MIB2: variants seen among roughly 807,000 people sequenced by gnomAD.
MIB2 encodes MIB E3 ubiquitin protein ligase 2, also known as E3 ubiquitin-protein ligase MIB2.
Under a neutral mutation model 96.6 loss-of-function variants are expected in MIB2, and 78 were observed. The observed-to-expected ratio is 0.81, with a 90% CI of 0.67 to 0.97. MIB2 has a LOEUF of 0.97. Ranked by LOEUF, MIB2 falls within the 50% of genes least tolerant of loss-of-function variation. The probability of loss-of-function intolerance (pLI) is 0.00; values close to 1 mark genes in which losing one functional copy is unlikely to be tolerated. For missense variants in MIB2, 1,543 were observed against 1,424.0 expected (o/e 1.08, Z -1.35); for synonymous variants, 820 against 629.5 (o/e 1.30, Z -4.53).
At position 1,629,247 on chromosome 1, in the gene MIB2, C is replaced by T. The variant is rs1463892866; in HGVS notation, c.2317C>T (p.Pro773Ser). 1.3e-6 allele frequency: 2 copies of T among 1,545,116 alleles called. No individual in the cohort carries two copies. The highest frequency in any genetic ancestry group is 3.8e-5 in the Admixed American group (2 of 52,940). Reference sequence around the variant, plus strand: ...CTACACCAACCACCGCGGTCGGAGCCCGCTGGACCTGGCCGCCGAGGGTCG... The same window carrying T: ...CTACACCAACCACCGCGGTCGGAGCTCGCTGGACCTGGCCGCCGAGGGTCG... ...VSYTNHRGRS[P>S]LDLAAEGRVL... Residue 773 changes from proline (P) to serine (S), a missense_variant, in exon 17 of 20, where the codon CCG (proline) becomes TCG (serine). Coordinates refer to ENST00000355826, the MANE Select transcript of MIB2 (RefSeq NM_001170687.4).
chr1:1,630,280 C>A lies in MIB2; in HGVS notation c.2630-12C>A. ...CCGGCCTCCCAGCTCACACCCGTCC[C>A]CCACCCCGCAGACGGCTCTGAGGTG... is the stretch of plus-strand genomic sequence containing the variant. On this transcript the variant is annotated splice_polypyrimidine_tract_variant and intron_variant, in intron 19 of 19. Coordinates refer to ENST00000355826, the MANE Select transcript of MIB2 (RefSeq NM_001170687.4). 1 of 1,453,088 alleles carries A rather than the reference C, an allele frequency of 6.9e-7. No individual in the cohort carries two copies. The highest frequency in any genetic ancestry group is 9.2e-7 in the Non-Finnish European group (1 of 1,092,014). The allele number at this position is 1,453,088 out of a possible 1,614,324, so 90.0% of individuals were successfully genotyped here.
upstream of MIB2, chr1:1,615,297 C>G: frequency 7.4e-7 from 1 of 1,356,708 alleles, no homozygotes; most frequent in Non-Finnish European, 9.5e-7. Flanking sequence ...AAGCCCCCGT[C>G]TCTATGGCAA....
At position 1,629,344 on chromosome 1, in the gene MIB2, C is replaced by T. The variant is rs1263848869; in HGVS notation, c.2381+33C>T. 2.8e-6 allele frequency: 4 copies of T among 1,444,326 alleles called. No individual in the cohort carries two copies. In the South Asian group the frequency reaches 4.4e-5, roughly 16 times the overall value. The allele number at this position is 1,444,326 out of a possible 1,614,324, so 89.5% of individuals were successfully genotyped here. A position where few individuals can be genotyped will look rare whatever the true frequency, so the allele number is the denominator to read the frequency against. On this transcript the variant is annotated intron_variant, in intron 17 of 19. Transcript: ENST00000355826. ...CGTGGACGGCGGGGATGGGGTCCGG[C>T]GGCCTCCGGGCCCCTCTCAAGCCGC...
chr1:1,629,742 C>T (rs757492426), intron 19 of MIB2, 38 bp downstream of exon 19: 13 of 1,535,348 alleles, frequency 8.5e-6, no homozygotes, highest in Middle Eastern at 1.8e-4. Context: ...GCCTCCTGCT[C>T]AGCTGGTGGC....
intron 4 of MIB2, 123 bp from the exon 5 acceptor site, chr1:1,624,672 T>C: frequency 1.1e-6 from 1 of 888,718 alleles, no homozygotes; most frequent in South Asian, 1.4e-5. Context: ...GAGCTGGGGC[T>C]GCGGAGCCCA....
intron 2 of MIB2, among the ~76,000 whole-genome samples, chr1:1,622,438 G>A (rs766473877): frequency 3.9e-5 from 6 of 152,260 alleles, no homozygotes; most frequent in Admixed American, 6.5e-5. Flanking sequence ...GTGAGCTCTC[G>A]GGGGTCAGCG....
upstream of MIB2, chr1:1,615,204 T>G (rs183739121): frequency 6.4e-5 from 39 of 607,624 alleles, no homozygotes; most frequent in Non-Finnish European, 8.1e-5. Context: ...AAACCCCGGA[T>G]AGGGCCCGCA....
Position 1,630,574 on chromosome 1 carries a change from C to T in MIB2, c.*44C>T. ...CCCGAGCTGCCTTCGCGTGCCCCCG[C>T]CCTGTGTTTTATAAAAAGAAAGATT... On this transcript the variant is annotated 3_prime_UTR_variant, in exon 20 of 20. Transcript: ENST00000355826. The T allele has an allele frequency of 2.1e-6, 3 of 1,415,178 alleles. No individual in the cohort carries two copies. The highest frequency in any genetic ancestry group is 2.8e-6 in the Non-Finnish European group (3 of 1,064,370). The allele number at this position is 1,415,178 out of a possible 1,614,324, so 87.7% of individuals were successfully genotyped here.
Position 1,629,722 on chromosome 1 carries a change from C to T in MIB2, c.2629+18C>T, listed in dbSNP as rs1422585534. Reference sequence around the variant, plus strand: ...GCGCCCAGGTGGGTGAGGCTCTGCGCCCCCAACACGCCTCCTGCTCAGCTG... The same window carrying T: ...GCGCCCAGGTGGGTGAGGCTCTGCGTCCCCAACACGCCTCCTGCTCAGCTG... On this transcript the variant is annotated intron_variant, in intron 19 of 19. Transcript: ENST00000355826. The T allele has an allele frequency of 3.8e-6, 6 of 1,571,498 alleles. No homozygotes were observed. The highest frequency in any genetic ancestry group is 3.5e-5 in the South Asian group (3 of 84,740).
Position 1,629,625 on chromosome 1 carries a change from TCTC to T in MIB2, c.2564-10_2564-8del. Reference sequence around the variant, plus strand: ...CTAGTAGGGCCGCAGCCAACCGCGCTCTCCTCTTCGCAGAGTGCGCGCGCAGGA... The same window carrying T: ...CTAGTAGGGCCGCAGCCAACCGCGCTCTCTTCGCAGAGTGCGCGCGCAGGA... On this transcript the variant is annotated splice_polypyrimidine_tract_variant and intron_variant, in intron 18 of 19. Coordinates refer to ENST00000355826, the MANE Select transcript of MIB2 (RefSeq NM_001170687.4). 3.8e-6 allele frequency: 6 copies of T among 1,578,870 alleles called. No individual in the cohort carries two copies. The highest frequency in any genetic ancestry group is 5.2e-6 in the Non-Finnish European group (6 of 1,163,024).
intron 19 of MIB2, among the ~76,000 whole-genome samples, chr1:1,630,022 GC>G (rs1329825496): frequency 3.4e-4 from 9 of 26,676 alleles, no homozygotes; most frequent in Admixed American, 1.1e-3. Flanking sequence ...CCAGAGCACC[GC>G]CCCCCCATCA....
Position 1,625,065 on chromosome 1 carries a change from G to A in MIB2, c.601G>A (p.Val201Met), listed in dbSNP as rs373980079. ...GGAGACAGGCCGGAGTGTGGCCAGC[G>A]TGACGTGGGCTGATGGTACCACCAA... ...DVETGRSVAS[V>M]TWADGTTNVY... is the part of the protein sequence containing the mutation. The change falls in exon 6 of 20, where the codon GTG becomes ATG. Residue 201 changes from valine to methionine, a missense_variant. Val to Met is a conservative substitution (Grantham distance 21). Transcript: ENST00000355826. The surrounding 1 kb of genome is among the most constrained non-coding windows in gnomAD (Gnocchi z 5.0). 3.1e-6 allele frequency: 5 copies of A among 1,613,162 alleles called. No homozygotes were observed. Among genetic ancestry groups the A allele is most frequent in the Non-Finnish European group, 4.2e-6 (5 of 1,180,016 alleles).
rs889018263 is a variant in MIB2 at position 1,630,560 on chromosome 1, T to C, written c.*30T>C. On this transcript the variant is annotated 3_prime_UTR_variant, in exon 20 of 20. Transcript: ENST00000355826. ...CGCCGTCCGCCGCGCCCGAGCTGCC[T>C]TCGCGTGCCCCCGCCCTGTGTTTTA... The C allele has an allele frequency of 2.7e-6, 4 of 1,480,728 alleles. No homozygotes were observed. The African/African-American group carries it at 4.3e-5, about 16-fold the overall frequency. The allele number at this position is 1,480,728 out of a possible 1,614,324, so 91.7% of individuals were successfully genotyped here. A position where few individuals can be genotyped will look rare whatever the true frequency, so the allele number is the denominator to read the frequency against.
In MIB2 at chr1:1,628,687, G is replaced by T. The variant is rs762387286; in HGVS notation, c.2167G>T (p.Gly723Trp). The change falls in exon 16 of 20, where the codon GGG (glycine) becomes TGG (tryptophan). Residue 723 changes from glycine (G) to tryptophan (W), a missense_variant. Physicochemically the swap from Gly to Trp is radical, Grantham distance 184. Transcript: ENST00000355826. ...QLLPLVADGA[G>W]GDPGPLQLLS... Reference sequence around the variant, plus strand: ...GCTGCCCCTGGTGGCTGATGGGGCCGGGGGGGACCCAGGGCCCTTGCAGCT... The same window carrying T: ...GCTGCCCCTGGTGGCTGATGGGGCCTGGGGGGACCCAGGGCCCTTGCAGCT... The T allele has an allele frequency of 1.9e-6, 3 of 1,563,324 alleles. No homozygotes were observed. The highest frequency in any genetic ancestry group is 2.7e-5 in the African/African-American group (2 of 74,046).
At chr1:1,614,108 A>G (rs1643402643), upstream of MIB2, 1 of 152,268 alleles carries the variant, frequency 6.6e-6, no homozygotes, top group Admixed American at 6.5e-5. Context: ...TTTATACTGT[A>G]GCAGTGAACA....
chr1:1,629,138 G>A lies in MIB2; in HGVS notation c.2208G>A (p.Gln736=). The A allele has an allele frequency of 6.7e-7, 1 of 1,490,440 alleles. No individual in the cohort carries two copies. The highest frequency in any genetic ancestry group is 1.3e-5 in the South Asian group (1 of 78,970). 92.3% of individuals were successfully genotyped at this position (1,490,440 alleles called of 1,614,324 possible). A position where few individuals can be genotyped will look rare whatever the true frequency, so the allele number is the denominator to read the frequency against. The change falls in exon 17 of 20, where the codon CAG becomes CAA. Residue 736 remains glutamine (Q), a synonymous_variant. Transcript: ENST00000355826. ...GCGTCTGTCCTGCCGCCCAGCTACAGGCCTCGGGCCTCCCCGGCAGCGCGG... is the reference window on the plus strand; with the variant it reads ...GCGTCTGTCCTGCCGCCCAGCTACAAGCCTCGGGCCTCCCCGGCAGCGCGG... The part of the protein sequence containing the change: ...PGPLQLLSRL[Q]ASGLPGSAEL...
Position 1,615,649 on chromosome 1 carries a change from G to T in MIB2, c.-130+16G>T. On this transcript the variant is annotated intron_variant, in intron 1 of 19. Transcript: ENST00000355826. ...TCGGCTGATGGTGCGTGCGGGCGCG[G>T]ATCTCCTCCCCTGGTCCTCCGCACC... 6.4e-7 allele frequency: 1 copy of T among 1,573,522 alleles called. No homozygotes were observed.
At chr1:1,620,492 A>C (rs1017770771) in intron 2 of MIB2, among the ~76,000 whole-genome samples, 10 of 151,986 alleles carry the variant, frequency 6.6e-5, no homozygotes, top group African/African-American at 2.4e-4. Context: ...GCTGTGGCCG[A>C]TTCTGGTGGG....
In MIB2 at chr1:1,628,511, G is replaced by C. The variant is rs1272882744; in HGVS notation, c.1991G>C (p.Arg664Pro). ...CAGGGCCGCTGTGACGTGAACGTGC[G>C]CAACCGGAAGCTGCAGTCCCCGCTG... ...IREGRCDVNVRNRKLQSPLHL... is the reference protein window; with the variant it reads ...IREGRCDVNVPNRKLQSPLHL... The change falls in exon 16 of 20, where the codon CGC (arginine) becomes CCC (proline). Residue 664 changes from arginine to proline, a missense_variant. Arg to Pro is a moderately radical substitution (Grantham distance 103, BLOSUM62 -2). Transcript: ENST00000355826. 11 of 1,599,882 alleles carry C rather than the reference G, an allele frequency of 6.9e-6. No homozygotes were observed. The East Asian group carries it at 2.2e-4, about 33-fold the overall frequency.
Sources: gnomAD v4.1 joint callset for allele counts (sites outside exome capture counted in the v4.1 genomes callset) on GRCh38, gnomAD v4.1.1 for gene constraint, Gnocchi (gnomAD v3.1) non-coding constraint, MANE v1.5 for transcripts, NCBI Gene and HGNC (gene_info 2026-07-23, HGNC 2026-07-21) for gene names.